Variants in RHOBTB1 observed in about 807,000 individuals in gnomAD.
The protein encoded by RHOBTB1 is Rho related BTB domain containing 1, also known as rho-related BTB domain-containing protein 1.
In RHOBTB1, 40 loss-of-function variants were observed where a neutral mutation model predicts 71.6. The ratio of observed to expected loss-of-function variants is 0.56; its 90% CI spans 0.43 to 0.73. The LOEUF is 0.73. Among genes scored for constraint, RHOBTB1 ranks in the 30% least tolerant of loss-of-function variants. The probability of loss-of-function intolerance (pLI) is 0.00; values close to 1 mark genes in which losing one functional copy is unlikely to be tolerated. For synonymous variants in RHOBTB1, 319 were observed against 334.9 expected (o/e 0.95, Z 0.52); for missense variants, 797 against 894.0 (o/e 0.89, Z 1.38).
chr10:60,967,903 G>A (rs2086025057), intron 2 of RHOBTB1, among the ~76,000 whole-genome samples: 1 of 151,988 alleles, frequency 6.6e-6, no homozygotes, highest in Non-Finnish European at 1.5e-5. Flanking sequence ...CCCTGTTCTG[G>A]CTTAAATTTA....
chr10:60,888,458 C>A lies in RHOBTB1; in HGVS notation c.1210G>T (p.Ala404Ser). The A allele has an allele frequency of 6.2e-7, 1 of 1,614,184 alleles. No homozygotes were observed. Among genetic ancestry groups the A allele is most frequent in the Non-Finnish European group, 8.5e-7 (1 of 1,180,032 alleles). ...CGAAAAGGGCCTGGCTGGACTGAAG[C>A]GTCCATCCTGACCACAGTCATGGGC... ...MGPMTVVRMD[A>S]SVQPGPFRTL... Residue 404 changes from alanine to serine, a missense_variant, in exon 6 of 11, where the codon GCT (alanine) becomes TCT (serine). Coordinates refer to ENST00000337910, the MANE Select transcript of RHOBTB1 (RefSeq NM_014836.5).
In RHOBTB1 at chr10:60,944,023, CG is replaced by C. The variant is rs1045395267; in HGVS notation, c.-115del. 2.0e-5 allele frequency: 3 copies of C among 148,452 alleles called. No homozygotes were observed. The highest frequency in any genetic ancestry group is 6.7e-5 in the Admixed American group (1 of 14,972). 9.2% of individuals were successfully genotyped at this position (148,452 alleles called of 1,614,324 possible). On this transcript the variant is annotated 5_prime_UTR_variant, in exon 1 of 11. Coordinates refer to ENST00000337910, the MANE Select transcript of RHOBTB1 (RefSeq NM_014836.5). The stretch of plus-strand genomic sequence containing the variant: ...CTCCGCCTTCAAGGGCCGGGGGGAG[CG>C]GGGGGGCCCCCGCCACTCAGCAGCA...
intron 9 of RHOBTB1, 93 bp from the exon 10 acceptor site, chr10:60,872,383 G>T: frequency 1.1e-6 from 1 of 879,480 alleles, no homozygotes; most frequent in Non-Finnish European, 1.9e-6. Flanking sequence ...GAAAAGAAAT[G>T]AAGGGCTTAT....
chr10:60,970,796 T>C (rs1003975102), intron 2 of RHOBTB1, among the ~76,000 whole-genome samples: 3 of 152,086 alleles, frequency 2.0e-5, no homozygotes, highest in Non-Finnish European at 4.4e-5. Flanking sequence ...ATTAATGCTA[T>C]GGTTTTCTAT....
At chr10:60,979,783 C>G (rs1020702792) in intron 2 of RHOBTB1, among the ~76,000 whole-genome samples, 3 of 152,110 alleles carry the variant, frequency 2.0e-5, no homozygotes, top group Admixed American at 6.6e-5. Flanking sequence ...GAAGAGATTA[C>G]ATTTTTAGAG....
chr10:60,984,789 G>A (rs1398621402), intron 2 of RHOBTB1, among the ~76,000 whole-genome samples: 1 of 152,116 alleles, frequency 6.6e-6, no homozygotes, highest in Admixed American at 6.6e-5. Context: ...TTATTTATAG[G>A]TGGATAATAT....
chr10:60,931,360 G>A (rs1044977861), intron 2 of RHOBTB1, among the ~76,000 whole-genome samples: 14 of 152,056 alleles, frequency 9.2e-5, no homozygotes, highest in African/African-American at 3.4e-4. Context: ...CCCAGCTCTG[G>A]CAACCACGAA....
intron 2 of RHOBTB1, among the ~76,000 whole-genome samples, chr10:60,940,130 G>A (rs977140574): frequency 1.3e-5 from 2 of 152,114 alleles, no homozygotes; most frequent in African/African-American, 2.4e-5. Context: ...GGACAGACGT[G>A]TTATAGGACA....
At chr10:60,940,074 G>A (rs1045116768) in intron 2 of RHOBTB1, among the ~76,000 whole-genome samples, 1 of 152,126 alleles carries the variant, frequency 6.6e-6, no homozygotes, top group Non-Finnish European at 1.5e-5. Flanking sequence ...TGCTGTTATA[G>A]AATGTGACCT....
chr10:60,863,430 C>G, the RHOBTB1 span, among the ~76,000 whole-genome samples: 1 of 147,220 alleles, frequency 6.8e-6, no homozygotes, highest in African/African-American at 2.6e-5. Context: ...TGATAGCGCA[C>G]AAAACTTCCA....
At chr10:60,902,329 T>C (rs1208319751) in intron 4 of RHOBTB1, among the ~76,000 whole-genome samples, 1 of 152,232 alleles carries the variant, frequency 6.6e-6, no homozygotes, top group Non-Finnish European at 1.5e-5. Flanking sequence ...CTAACACGTA[T>C]CTGTTTGTTT....
chr10:60,869,039 G>A (rs1260617116), downstream of RHOBTB1, among the ~76,000 whole-genome samples: 1 of 152,172 alleles, frequency 6.6e-6, no homozygotes, highest in Non-Finnish European at 1.5e-5. Flanking sequence ...TTTCACAAAG[G>A]CTTTCTCAGA....
At chr10:60,863,273 G>A in the RHOBTB1 span, among the ~76,000 whole-genome samples, 9 of 152,252 alleles carry the variant, frequency 5.9e-5, no homozygotes, top group East Asian at 1.7e-3. Flanking sequence ...TTTGGGGGGA[G>A]TACAAATAAT....
chr10:60,876,817 G>C (rs2081074273), intron 8 of RHOBTB1, among the ~76,000 whole-genome samples: 2 of 152,228 alleles, frequency 1.3e-5, no homozygotes, highest in Non-Finnish European at 2.9e-5. Context: ...GTTGTGTGTA[G>C]TAGAAATCTG....
At chr10:60,904,376 A>G (rs1430568084) in intron 4 of RHOBTB1, among the ~76,000 whole-genome samples, 1 of 152,198 alleles carries the variant, frequency 6.6e-6, no homozygotes, top group Non-Finnish European at 1.5e-5. Flanking sequence ...AAAATGGCAA[A>G]CATTTCCATC....
chr10:60,888,482 G>T lies in RHOBTB1; in HGVS notation c.1186C>A (p.Pro396Thr), dbSNP rs139186815. Reference sequence around the variant, plus strand: ...GCGTCCATCCTGACCACAGTCATGGGCCCCATCCGCTTTGAAATGGGGTTG... The same window carrying T: ...GCGTCCATCCTGACCACAGTCATGGTCCCCATCCGCTTTGAAATGGGGTTG... ...QVNPISKRMGPMTVVRMDASV... is the reference protein window; with the variant it reads ...QVNPISKRMGTMTVVRMDASV... Residue 396 changes from proline (P) to threonine (T), a missense_variant, in exon 6 of 11, where the codon CCC (proline) becomes ACC (threonine). Physicochemically the swap from Pro to Thr is conservative, Grantham distance 38. Coordinates refer to ENST00000337910, the MANE Select transcript of RHOBTB1 (RefSeq NM_014836.5). 5 of 1,614,062 alleles carry T rather than the reference G, an allele frequency of 3.1e-6. No individual in the cohort carries two copies. In the African/African-American group the frequency reaches 6.7e-5, roughly 22 times the overall value.
chr10:60,968,771 A>C (rs2086056576), intron 2 of RHOBTB1, among the ~76,000 whole-genome samples: 1 of 152,150 alleles, frequency 6.6e-6, no homozygotes, highest in South Asian at 2.1e-4. Flanking sequence ...AAGAGTTACT[A>C]GGTTAACCAA....
chr10:60,952,799 A>T (rs1021899707), intron 2 of RHOBTB1, among the ~76,000 whole-genome samples: 1 of 152,144 alleles, frequency 6.6e-6, no homozygotes, highest in East Asian at 1.9e-4. Context: ...CATGTAGATT[A>T]AAGGTTGAGT....
In RHOBTB1 at chr10:60,871,669, C is replaced by T; in HGVS notation, c.1922-18G>A. ...CTGGTTGTCTGGTGAAGGAAAGATG[C>T]AGACCATAAGACCTGCGGTTCATTG... On this transcript the variant is annotated intron_variant, in intron 10 of 10. Coordinates refer to ENST00000337910, the MANE Select transcript of RHOBTB1 (RefSeq NM_014836.5). The T allele has an allele frequency of 6.2e-7, 1 of 1,611,208 alleles. No individual in the cohort carries two copies. Among genetic ancestry groups the T allele is most frequent in the Non-Finnish European group, 8.5e-7 (1 of 1,178,666 alleles).
Sources: allele counts gnomAD v4.1 joint callset (sites outside exome capture counted in the v4.1 genomes callset), GRCh38; gene constraint gnomAD v4.1.1; transcripts MANE v1.5; gene names NCBI Gene and HGNC (gene_info 2026-07-23, HGNC 2026-07-21).